Variants in MYO5B observed in about 807,000 individuals in gnomAD.
MYO5B encodes the protein myosin VB.
Under a neutral mutation model 229.3 loss-of-function variants are expected in MYO5B, and 143 were observed. The observed-to-expected ratio is 0.62, with a 90% CI of 0.54 to 0.72. The LOEUF is 0.72. Ranked by LOEUF, MYO5B falls within the 30% of genes least tolerant of loss-of-function variation. MYO5B has a pLI of 0.00. For synonymous variants in MYO5B, 918 were observed against 885.2 expected (o/e 1.04, Z -0.66); for missense variants, 2,321 against 2,331.0 (o/e 1.00, Z 0.09).
At chr18:50,109,574 G>A (rs745658017) in intron 1 of MYO5B, among the ~76,000 whole-genome samples, 1 of 151,896 alleles carries the variant, frequency 6.6e-6, no homozygotes. Flanking sequence ...TACAGGCGCC[G>A]CCACCATGCT....
At chr18:49,968,747 A>G (rs369142173) in intron 10 of MYO5B, among the ~76,000 whole-genome samples, 1 of 152,030 alleles carries the variant, frequency 6.6e-6, no homozygotes, top group Admixed American at 6.5e-5. Flanking sequence ...GGCTCTTGTT[A>G]CATTCCAGCC....
chr18:49,879,577 T>C (rs2024564310), intron 23 of MYO5B, among the ~76,000 whole-genome samples: 1 of 152,226 alleles, frequency 6.6e-6, no homozygotes, highest in Non-Finnish European at 1.5e-5. Context: ...GAAAAGTGTT[T>C]TAAAAGGACA....
At chr18:50,114,401 C>T (rs1400997177) in intron 1 of MYO5B, among the ~76,000 whole-genome samples, 2 of 152,180 alleles carry the variant, frequency 1.3e-5, no homozygotes, top group South Asian at 4.1e-4. Flanking sequence ...TATTCAAAGC[C>T]GCACTGACTC....
intron 1 of MYO5B, among the ~76,000 whole-genome samples, chr18:50,158,761 C>T (rs904395191): frequency 2.6e-5 from 4 of 152,128 alleles, no homozygotes; most frequent in Non-Finnish European, 5.9e-5. Flanking sequence ...CAGAACATGC[C>T]CCATTATGGT....
At chr18:49,882,574 G>C (rs1453182543) in intron 22 of MYO5B, among the ~76,000 whole-genome samples, 1 of 139,082 alleles carries the variant, frequency 7.2e-6, no homozygotes, top group Non-Finnish European at 1.5e-5. Context: ...GTTGCAGCGA[G>C]CTGAGATCGT....
intron 21 of MYO5B, among the ~76,000 whole-genome samples, chr18:49,902,183 T>C (rs2024849088): frequency 6.6e-6 from 1 of 152,198 alleles, no homozygotes; most frequent in South Asian, 2.1e-4. Flanking sequence ...GGAGAGTCCA[T>C]GTCTTCGTCT....
rs1265145669 is a variant in MYO5B, at chr18:50,194,860, C to G, written c.-67G>C. 2.4e-6 allele frequency: 3 copies of G among 1,246,026 alleles called. No individual in the cohort carries two copies. Among genetic ancestry groups the G allele is most frequent in the Non-Finnish European group, 3.0e-6 (3 of 998,246 alleles). The allele number at this position is 1,246,026 out of a possible 1,614,324, so 77.2% of individuals were successfully genotyped here. ...CCCGCGGCTCTCAGTCCGCGGCTGG[C>G]CCGCCTGGCGCCATGTTCCCGGGCT... On this transcript the variant is annotated 5_prime_UTR_variant, in exon 1 of 40. Transcript: ENST00000285039.
chr18:50,185,588 T>C (rs2033136837), intron 1 of MYO5B, among the ~76,000 whole-genome samples: 1 of 152,198 alleles, frequency 6.6e-6, no homozygotes, highest in African/African-American at 2.4e-5. Context: ...GATAACCTAA[T>C]TGCCCGATTT....
intron 10 of MYO5B, among the ~76,000 whole-genome samples, chr18:49,963,411 A>ATTTATTTATTT (rs1555647593): frequency 6.7e-6 from 1 of 148,372 alleles, no homozygotes; most frequent in African/African-American, 2.6e-5. Flanking sequence ...TTAATTAATT[A>ATTTATTTATTT]ATTAATTTAT....
intron 4 of MYO5B, among the ~76,000 whole-genome samples, chr18:50,016,825 C>T (rs78900750): frequency 0.018 from 2,785 of 151,924 alleles, 76 homozygotes; most frequent in African/African-American, 0.059. Context: ...AGACCTTGCC[C>T]TAAACCAACC....
chr18:50,139,947 G>A (rs1282165388), intron 1 of MYO5B, among the ~76,000 whole-genome samples: 2 of 152,034 alleles, frequency 1.3e-5, no homozygotes, highest in East Asian at 1.9e-4. Flanking sequence ...CATAGCTGAC[G>A]GTGAATTAAT....
At chr18:50,167,489 T>C (rs1172029289) in intron 1 of MYO5B, among the ~76,000 whole-genome samples, 1 of 152,204 alleles carries the variant, frequency 6.6e-6, no homozygotes, top group Non-Finnish European at 1.5e-5. Flanking sequence ...GTAGATAGGA[T>C]TGATCAACTG....
At chr18:50,145,528 A>G (rs1044606871) in intron 1 of MYO5B, among the ~76,000 whole-genome samples, 1 of 132,476 alleles carries the variant, frequency 7.5e-6, no homozygotes, top group East Asian at 2.3e-4. Context: ...AAAAAAAAAA[A>G]AAAAAAAAAA....
At chr18:50,049,290 A>C (rs1241988087) in intron 2 of MYO5B, among the ~76,000 whole-genome samples, 1 of 152,220 alleles carries the variant, frequency 6.6e-6, no homozygotes, top group African/African-American at 2.4e-5. Flanking sequence ...AATAATTTTT[A>C]ATGAATGAAT....
chr18:50,070,356 A>G lies in MYO5B; in HGVS notation c.28-14978T>C, dbSNP rs571463176. On this transcript the variant is annotated intron_variant, in intron 1 of 39. Coordinates refer to ENST00000285039, the MANE Select transcript of MYO5B (RefSeq NM_001080467.3). Reference sequence around the variant, plus strand: ...ACTCTTAATTGGTCTTCCTGCAACCAATTTGTTCCCACTCCAACTGATTTT... The same window carrying G: ...ACTCTTAATTGGTCTTCCTGCAACCGATTTGTTCCCACTCCAACTGATTTT... 6.6e-5 allele frequency among the ~76,000 whole-genome samples: 10 copies of G among 152,046 alleles called. 1 individual carries two copies. The highest frequency in any genetic ancestry group is 6.8e-3 in the Middle Eastern group (2 of 294).
At chr18:49,899,855 C>T (rs1208543676) in intron 21 of MYO5B, among the ~76,000 whole-genome samples, 1 of 152,218 alleles carries the variant, frequency 6.6e-6, no homozygotes, top group African/African-American at 2.4e-5. Flanking sequence ...GCATCCTGCC[C>T]AGGGTAGCTA....
intron 1 of MYO5B, among the ~76,000 whole-genome samples, chr18:50,102,962 G>C (rs2031684288): frequency 6.6e-6 from 1 of 152,020 alleles, no homozygotes; most frequent in Non-Finnish European, 1.5e-5. Context: ...TCCCCCAAAG[G>C]AGAAGAGTAG....
intron 1 of MYO5B, among the ~76,000 whole-genome samples, chr18:50,143,782 G>C (rs1007754284): frequency 6.6e-6 from 1 of 152,138 alleles, no homozygotes; most frequent in Non-Finnish European, 1.5e-5. Context: ...TCAGAACATG[G>C]CGTGCAACAC....
chr18:49,923,674 G>A (rs969539216), intron 17 of MYO5B, among the ~76,000 whole-genome samples: 1 of 152,122 alleles, frequency 6.6e-6, no homozygotes. Flanking sequence ...TCAGATCCAT[G>A]GACTTCTAGC....
Sources: allele counts gnomAD v4.1 joint callset (sites outside exome capture counted in the v4.1 genomes callset), GRCh38; gene constraint gnomAD v4.1.1; transcripts MANE v1.5; gene names NCBI Gene and HGNC (gene_info 2026-07-23, HGNC 2026-07-21).